The following CASP8 variants were observed in gnomAD, a reference collection of about 807,000 sequenced individuals.
The protein encoded by CASP8 is caspase 8.
A neutral mutation model predicts 46.3 loss-of-function variants in CASP8; 24 were observed. The observed-to-expected ratio is 0.52, with a 90% CI of 0.38 to 0.73. The LOEUF (loss-of-function observed/expected upper bound fraction) is 0.73. Among genes scored for constraint, CASP8 ranks in the 30% least tolerant of loss-of-function variants. The probability of loss-of-function intolerance (pLI) is 0.00; values close to 1 mark genes in which losing one functional copy is unlikely to be tolerated. For missense variants in CASP8, 460 were observed against 559.0 expected, an observed-to-expected ratio of 0.82 and a Z score of 1.79; for synonymous variants, 188 against 200.4, an observed-to-expected ratio of 0.94 and a Z score of 0.52.
chr2:201,245,936 C>T (rs570135909), intron 2 of CASP8, among the ~76,000 whole-genome samples: 9 of 143,814 alleles, frequency 6.3e-5, no homozygotes, highest in South Asian at 2.1e-4. Flanking sequence ...GGTGCAATCT[C>T]GGCTCACCGC....
chr2:201,258,372 G>C, upstream of CASP8: 1 of 1,613,990 alleles, frequency 6.2e-7, no homozygotes. Context: ...TGCCAGGAAA[G>C]GGTGGAGCGG....
At chr2:201,259,027 A>T (rs1168636782), upstream of CASP8, among the ~76,000 whole-genome samples, 7 of 152,204 alleles carry the variant, frequency 4.6e-5, no homozygotes, top group Admixed American at 4.6e-4. Flanking sequence ...TTATCTCATC[A>T]TTAAATGATT....
intron 2 of CASP8, among the ~76,000 whole-genome samples, chr2:201,251,322 C>G (rs939396264): frequency 6.6e-6 from 1 of 152,092 alleles, no homozygotes; most frequent in Admixed American, 6.6e-5. Flanking sequence ...TGGCCAGGCG[C>G]GGTGGCTCAT....
At position 201,285,336 on chromosome 2, in the gene CASP8, G is replaced by C. The variant is rs747738525; in HGVS notation, c.1304+19G>C. 1 of 1,612,018 alleles carries C rather than the reference G, an allele frequency of 6.2e-7. No individual in the cohort carries two copies. The highest frequency in any genetic ancestry group is 8.5e-7 in the Non-Finnish European group (1 of 1,179,888). Reference sequence around the variant, plus strand: ...GTCCTCGGTAAGTTTTGCCTACTCAGCCCTCCTCACTGTTACACTACCTTC... The same window carrying C: ...GTCCTCGGTAAGTTTTGCCTACTCACCCCTCCTCACTGTTACACTACCTTC... On this transcript the variant is annotated intron_variant, in intron 8 of 8. Transcript: ENST00000673742.
intron 8 of CASP8, 74 bp downstream of exon 8, chr2:201,285,391 T>A: frequency 6.5e-7 from 1 of 1,533,544 alleles, no homozygotes; most frequent in Non-Finnish European, 9.0e-7. Context: ...TACTATCTAC[T>A]CATATTCAGA....
intron 2 of CASP8, among the ~76,000 whole-genome samples, chr2:201,249,949 A>G (rs1946706916): frequency 6.6e-6 from 1 of 152,258 alleles, no homozygotes; most frequent in Non-Finnish European, 1.5e-5. Flanking sequence ...AGACAGATTA[A>G]TAAGAGAAAA....
chr2:201,239,195 A>G (rs975931275), intron 2 of CASP8, among the ~76,000 whole-genome samples: 12 of 152,166 alleles, frequency 7.9e-5, no homozygotes, highest in Non-Finnish European at 1.5e-4. Flanking sequence ...CAACCATCCA[A>G]TTTCTCAATC....
At position 201,269,598 on chromosome 2, in the gene CASP8, T is replaced by C. The variant is rs11897628; in HGVS notation, c.306-1918T>C. ...TTTCTGGCGGAGGGTCGATCATCTA[T>C]TAATAAGGCAGGATCTCTCTTAAAA... On this transcript the variant is annotated intron_variant, in intron 2 of 8. Coordinates refer to ENST00000673742, the MANE Select transcript of CASP8 (RefSeq NM_001372051.1). 1,090 of 1,610,734 alleles carry C rather than the reference T, an allele frequency of 6.8e-4. 2 individuals are homozygous for C. In the African/African-American group the frequency reaches 0.013, roughly 20 times the overall value.
chr2:201,234,648 G>T (rs1015243177), intron 2 of CASP8, among the ~76,000 whole-genome samples: 3 of 151,554 alleles, frequency 2.0e-5, no homozygotes, highest in Non-Finnish European at 4.4e-5. Flanking sequence ...TAGAGATGGG[G>T]GGGTCTCACC....
rs1264556426 is a variant in CASP8, at chr2:201,266,494, T to G, written c.8T>G (p.Phe3Cys). 1.9e-6 allele frequency: 3 copies of G among 1,614,020 alleles called. No homozygotes were observed. Among genetic ancestry groups the G allele is most frequent in the Non-Finnish European group, 2.5e-6 (3 of 1,179,870 alleles). MD[F>C]SRNLYDIGEQ... is the part of the protein sequence containing the mutation. ...CTCCTGCCTTTTAAAAAGATGGACT[T>G]CAGCAGAAATCTTTATGATATTGGG... The change falls in exon 2 of 9, where the codon TTC becomes TGC. Residue 3 changes from phenylalanine (F) to cysteine (C), a missense_variant. Coordinates refer to ENST00000673742, the MANE Select transcript of CASP8 (RefSeq NM_001372051.1). This position sits in a 1 kb window ranked among gnomAD's most constrained non-coding sequence, Gnocchi z 5.7.
At chr2:201,243,296 T>C (rs893574213) in intron 2 of CASP8, among the ~76,000 whole-genome samples, 4 of 152,204 alleles carry the variant, frequency 2.6e-5, no homozygotes, top group African/African-American at 9.7e-5. Flanking sequence ...AGGATTCCTA[T>C]ACATAAAAAG....
intron 2 of CASP8, among the ~76,000 whole-genome samples, chr2:201,269,926 A>T (rs1016928205): frequency 6.6e-6 from 1 of 152,220 alleles, no homozygotes; most frequent in African/African-American, 2.4e-5. Flanking sequence ...GTAGCTTTGG[A>T]TTAGATCCAA....
At chr2:201,276,149 C>T (rs1948615248) in intron 6 of CASP8, among the ~76,000 whole-genome samples, 1 of 152,146 alleles carries the variant, frequency 6.6e-6, no homozygotes, top group South Asian at 2.1e-4. Flanking sequence ...GGTACTGAAA[C>T]AGCCCTAGGA....
At chr2:201,273,039 C>G in intron 5 of CASP8, 97 bp downstream of exon 5, 1 of 949,130 alleles carries the variant, frequency 1.1e-6, no homozygotes, top group Non-Finnish European at 1.7e-6. Context: ...CACATCTTAA[C>G]GTGCCTGCTC....
intron 5 of CASP8, among the ~76,000 whole-genome samples, chr2:201,273,204 C>T (rs1262098812): frequency 6.6e-6 from 1 of 152,022 alleles, no homozygotes; most frequent in African/African-American, 2.4e-5. Context: ...ATTACAGGTG[C>T]GTGCACCACC....
At chr2:201,276,785 G>T in intron 6 of CASP8, 42 bp from the exon 7 acceptor site, 3 of 1,612,874 alleles carry the variant, frequency 1.9e-6, no homozygotes, top group South Asian at 2.2e-5. Context: ...TCTAGTGTTT[G>T]ACCCACAGAG....
At chr2:201,273,064 T>C (rs1367232592) in intron 5 of CASP8, 122 bp downstream of exon 5, 40 of 840,418 alleles carry the variant, frequency 4.8e-5, no homozygotes, top group Non-Finnish European at 6.1e-5. Flanking sequence ...TTTTCTTTTT[T>C]TTTTTTTTTT....
At chr2:201,286,395 G>T in intron 8 of CASP8, 64 bp from the exon 9 acceptor site, 1 of 1,573,716 alleles carries the variant, frequency 6.4e-7, no homozygotes. Context: ...GAGCACAGCA[G>T]AGGAGACAGT....
chr2:201,245,864 C>CTTT (rs60096366), intron 2 of CASP8, among the ~76,000 whole-genome samples: 16,017 of 124,146 alleles, frequency 0.13, 2,711 homozygotes, highest in African/African-American at 0.41. Flanking sequence ...CTTGTTTGTT[C>CTTT]TTTTTTTTTT....
Sources: gnomAD v4.1 joint callset for allele counts (sites outside exome capture counted in the v4.1 genomes callset) on GRCh38, gnomAD v4.1.1 for gene constraint, Gnocchi (gnomAD v3.1) non-coding constraint, MANE v1.5 for transcripts, NCBI Gene and HGNC (gene_info 2026-07-23, HGNC 2026-07-21) for gene names.